The following MMP26 variants were observed in gnomAD, a reference collection of about 807,000 sequenced individuals.
MMP26 encodes the protein matrix metalloproteinase-26.
Under a neutral mutation model 31.0 loss-of-function variants are expected in MMP26, and 33 were observed. The observed-to-expected ratio is 1.06, with a 90% confidence interval of 0.81 to 1.42. The LOEUF is 1.42. Ranked by LOEUF, MMP26 falls within the 40% of genes most tolerant of loss-of-function variation. The probability of loss-of-function intolerance (pLI) is 0.00; values close to 1 mark genes in which losing one functional copy is unlikely to be tolerated. For synonymous variants in MMP26, 122 were observed against 114.9 expected, an observed-to-expected ratio of 1.06 and a Z score of -0.40; for missense variants, 347 against 316.1, an observed-to-expected ratio of 1.10 and a Z score of -0.74.
intron 2 of MMP26, among the ~76,000 whole-genome samples, chr11:4,792,808 A>G (rs1564910769): frequency 6.6e-6 from 1 of 152,204 alleles, no homozygotes; most frequent in Admixed American, 6.5e-5. Flanking sequence ...CATACAGAGA[A>G]AAGAAGAAGG....
At chr11:4,806,092 A>G (rs934485) in intron 2 of MMP26, among the ~76,000 whole-genome samples, 58,276 of 152,000 alleles carry the variant, frequency 0.38, 12,627 homozygotes, top group African/African-American at 0.57. Flanking sequence ...CAAAGGCCTT[A>G]TCTTTTCCTA....
At chr11:4,896,910 C>T (rs866310111) in intron 2 of MMP26, among the ~76,000 whole-genome samples, 2 of 152,124 alleles carry the variant, frequency 1.3e-5, no homozygotes, top group Non-Finnish European at 2.9e-5. Flanking sequence ...ATTAAGATGG[C>T]TATTTCTTCT....
intron 2 of MMP26, among the ~76,000 whole-genome samples, chr11:4,901,294 A>G (rs1276454292): frequency 6.6e-6 from 1 of 151,034 alleles, no homozygotes; most frequent in Non-Finnish European, 1.5e-5. Context: ...TGAGTAGCTG[A>G]GACTACAGGT....
intron 2 of MMP26, among the ~76,000 whole-genome samples, chr11:4,927,325 T>C (rs1851286699): frequency 6.6e-6 from 1 of 152,170 alleles, no homozygotes; most frequent in African/African-American, 2.4e-5. Flanking sequence ...ATTGTCATGA[T>C]ACAATTTAAG....
At chr11:4,956,386 GT>G (rs1846443450) in intron 2 of MMP26, among the ~76,000 whole-genome samples, 2 of 152,316 alleles carry the variant, frequency 1.3e-5, no homozygotes, top group South Asian at 2.1e-4. Context: ...TGTAGATACA[GT>G]AAATCTACAG....
rs142377582 is a variant in MMP26, at chr11:4,924,245, G to T, written c.-144-63823G>T. The T allele has an allele frequency of 1.3e-5, 21 of 1,614,192 alleles. No individual in the cohort carries two copies. The African/African-American group carries it at 2.5e-4, about 19-fold the overall frequency. The stretch of plus-strand genomic sequence containing the variant: ...AACTGTCAGGTAGATGAAGCAGAAG[G>T]GAATAGAGATCCAGCCATGGAGACC... On this transcript the variant is annotated intron_variant, in intron 2 of 7. Coordinates refer to ENST00000380390, the MANE Select transcript of MMP26 (RefSeq NM_021801.5).
At chr11:4,894,047 C>T (rs1019330642) in intron 2 of MMP26, among the ~76,000 whole-genome samples, 1 of 152,040 alleles carries the variant, frequency 6.6e-6, no homozygotes, top group Admixed American at 6.6e-5. Flanking sequence ...ATTAAGATTG[C>T]TGATTAGTCT....
chr11:4,800,901 A>G (rs1036238412), intron 2 of MMP26, among the ~76,000 whole-genome samples: 1 of 135,328 alleles, frequency 7.4e-6, no homozygotes, highest in African/African-American at 3.4e-5. Context: ...CATGGACACA[A>G]TGCAGCCATG....
chr11:4,765,241 T>C (rs1486842632), intron 1 of MMP26, among the ~76,000 whole-genome samples: 1 of 152,136 alleles, frequency 6.6e-6, no homozygotes, highest in African/African-American at 2.4e-5. Context: ...CTGAGGAAGG[T>C]CCATTTCTAG....
At chr11:4,785,539 AT>A (rs1273289959) in intron 2 of MMP26, among the ~76,000 whole-genome samples, 2 of 152,128 alleles carry the variant, frequency 1.3e-5, no homozygotes, top group African/African-American at 2.4e-5. Flanking sequence ...CTACTAGATT[AT>A]TTCTTTCTCA....
chr11:4,836,298 G>A (rs1333353625), intron 2 of MMP26, among the ~76,000 whole-genome samples: 2 of 152,032 alleles, frequency 1.3e-5, no homozygotes, highest in East Asian at 1.9e-4. Flanking sequence ...TGACCAGCAA[G>A]CATTATAATA....
chr11:4,734,447 C>CT (rs61542440), intron 1 of MMP26, among the ~76,000 whole-genome samples: 2,198 of 151,928 alleles, frequency 0.014, 68 homozygotes, highest in African/African-American at 0.05. Context: ...TTAGTTCTTC[C>CT]TTTTTTTCCT....
At chr11:4,960,267 A>G (rs1310281704) in intron 2 of MMP26, among the ~76,000 whole-genome samples, 1 of 152,116 alleles carries the variant, frequency 6.6e-6, no homozygotes, top group African/African-American at 2.4e-5. Flanking sequence ...ACGTTTTTGG[A>G]TAGTACTTAA....
intron 2 of MMP26, chr11:4,947,584 T>G (rs1235512371): frequency 1.6e-5 from 2 of 128,724 alleles, no homozygotes; most frequent in Non-Finnish European, 1.7e-5. Flanking sequence ...TGATAAAAGC[T>G]AAATAATTCT....
At chr11:4,881,825 A>G in intron 2 of MMP26, 1 of 1,251,182 alleles carries the variant, frequency 8.0e-7, no homozygotes, top group Non-Finnish European at 1.1e-6. Flanking sequence ...TAAAATGACT[A>G]ATAAAATGTA....
At chr11:4,824,402 CT>C (rs1045706883) in intron 2 of MMP26, among the ~76,000 whole-genome samples, 9 of 152,104 alleles carry the variant, frequency 5.9e-5, no homozygotes, top group Admixed American at 2.6e-4. Context: ...ATTATACACA[CT>C]TATACGATTT....
At chr11:4,818,844 G>GTGACTATATTAATAAAATACAGTATTAGA (rs1849455105) in intron 2 of MMP26, among the ~76,000 whole-genome samples, 1 of 152,062 alleles carries the variant, frequency 6.6e-6, no homozygotes, top group African/African-American at 2.4e-5. Flanking sequence ...TTATATTAAT[G>GTGACTATATTAATAAAATACAGTATTAGA]TGACTATATT....
At chr11:4,821,910 C>G (rs372074868) in intron 2 of MMP26, 114 of 1,613,894 alleles carry the variant, frequency 7.1e-5, no homozygotes, top group Non-Finnish European at 9.0e-5. Flanking sequence ...CAGTCATGCT[C>G]TTTGTCAAGA....
chr11:4,915,003 A>G (rs772696684), intron 2 of MMP26: 2 of 1,613,970 alleles, frequency 1.2e-6, no homozygotes, highest in African/African-American at 2.7e-5. Flanking sequence ...GCATAAGAGA[A>G]GAGGATGAGC....
Sources: gnomAD v4.1 joint callset for allele counts (sites outside exome capture counted in the v4.1 genomes callset) on GRCh38, gnomAD v4.1.1 for gene constraint, MANE v1.5 for transcripts, NCBI Gene and HGNC (gene_info 2026-07-23, HGNC 2026-07-21) for gene names.